ACIN1: variants seen among roughly 807,000 people sequenced by gnomAD.
ACIN1 encodes the protein apoptotic chromatin condensation inducer in the nucleus.
In ACIN1, 16 loss-of-function variants were observed where a neutral mutation model predicts 146.6. The ratio of observed to expected loss-of-function variants is 0.11; its 90% CI spans 0.07 to 0.17. ACIN1 has a LOEUF of 0.17. ACIN1 is among the 10% of genes least tolerant of loss of function. ACIN1 has a pLI of 1.00. For missense variants in ACIN1, 1,357 were observed against 1,609.3 expected (o/e 0.84, Z 2.68); for synonymous variants, 569 against 582.7 (o/e 0.98, Z 0.34).
rs1188628267 is a variant in ACIN1, at chr14:23,081,854, A to C, written c.437-18T>G. 1 of 1,590,570 alleles carries C rather than the reference A, an allele frequency of 6.3e-7. No homozygotes were observed. The highest frequency in any genetic ancestry group is 2.2e-5 in the East Asian group (1 of 44,796). On this transcript the variant is annotated intron_variant, in intron 4 of 18. Transcript: ENST00000605057. ...GCTTTTTCCTATTGAATGAAAAAGA[A>C]TCAAGTCAGATTCATGAAGTGAAGA...
chr14:23,088,153 A>G (rs1348395871), intron 4 of ACIN1, among the ~76,000 whole-genome samples: 5 of 152,322 alleles, frequency 3.3e-5, no homozygotes, highest in Admixed American at 6.5e-5. Flanking sequence ...GGAATTCAAT[A>G]AATTTTTTTT....
At chr14:23,090,495 T>C (rs775930038) in intron 3 of ACIN1, 27 bp downstream of exon 3, 1 of 1,600,374 alleles carries the variant, frequency 6.2e-7, no homozygotes, top group South Asian at 1.1e-5. Context: ...GACGAACTCC[T>C]TGTTAAAAGT....
At position 23,080,818 on chromosome 14, in the gene ACIN1, A is replaced by C; in HGVS notation, c.526-9T>G. 1 of 1,585,002 alleles carries C rather than the reference A, an allele frequency of 6.3e-7. No homozygotes were observed. The highest frequency in any genetic ancestry group is 1.8e-5 in the Admixed American group (1 of 56,830). ...AGTTTAGCTGCTCTTGCCTGAAAGA[A>C]CAGATACACAATGGCTCCAAATGTA... On this transcript the variant is annotated splice_polypyrimidine_tract_variant and intron_variant, in intron 5 of 18. Transcript: ENST00000605057.
upstream of ACIN1, chr14:23,095,338 T>A (rs768416152): frequency 6.5e-7 from 1 of 1,545,364 alleles, no homozygotes; most frequent in Non-Finnish European, 8.8e-7. Flanking sequence ...TTTCTCGCCC[T>A]GCTTTCAGGC....
intron 4 of ACIN1, among the ~76,000 whole-genome samples, chr14:23,083,766 A>G (rs903464497): frequency 2.6e-5 from 4 of 152,176 alleles, no homozygotes; most frequent in Non-Finnish European, 5.9e-5. Context: ...CAGTAGCAAT[A>G]CTAACATCAA....
intron 8 of ACIN1, chr14:23,071,398 C>A: frequency 6.4e-7 from 1 of 1,551,010 alleles, no homozygotes; most frequent in Non-Finnish European, 8.7e-7. Context: ...ACAGATCTGG[C>A]TTTTAAGAGA....
chr14:23,059,144 C>A lies in ACIN1; in HGVS notation c.*4G>T, dbSNP rs200085770. The stretch of plus-strand genomic sequence containing the variant: ...TGGTACCTGCAGCTCTAGTGTTTTC[C>A]CAGCTAGCGGCGCCCACCCCGGTCC... On this transcript the variant is annotated 3_prime_UTR_variant, in exon 19 of 19. Coordinates refer to ENST00000605057, the MANE Select transcript of ACIN1 (RefSeq NM_001386863.1). The A allele has an allele frequency of 1.1e-3, 1,695 of 1,612,580 alleles. 3 individuals carry two copies. Among genetic ancestry groups the A allele is most frequent in the Non-Finnish European group, 1.2e-3 (1,382 of 1,179,186 alleles).
At chr14:23,094,888 G>A (rs1205329166) in intron 1 of ACIN1, 87 bp downstream of exon 1, 9 of 1,492,004 alleles carry the variant, frequency 6.0e-6, no homozygotes, top group South Asian at 1.3e-5. Context: ...CTCGCGCCGA[G>A]CCCGGATACT....
intron 12 of ACIN1, 78 bp from the exon 13 acceptor site, chr14:23,063,655 T>A: frequency 1.9e-6 from 3 of 1,551,178 alleles, no homozygotes; most frequent in Non-Finnish European, 2.7e-6. Flanking sequence ...GGTTCCCCGG[T>A]AAGAGTAGCA....
intron 18 of ACIN1, among the ~76,000 whole-genome samples, 179 bp from the exon 19 acceptor site, chr14:23,059,653 C>CTTT (rs376703295): frequency 7.2e-6 from 1 of 138,636 alleles, no homozygotes; most frequent in Admixed American, 7.1e-5. Flanking sequence ...TAGTTTCAGC[C>CTTT]TTTTTTTTTT....
intron 1 of ACIN1, 156 bp downstream of exon 1, chr14:23,094,819 G>C (rs940928902): frequency 1.7e-6 from 2 of 1,150,142 alleles, no homozygotes; most frequent in Non-Finnish European, 2.4e-6. Context: ...ATTCCAGCGC[G>C]AACCTCATCA....
In ACIN1 at chr14:23,059,066, G is replaced by A. The variant is rs2047182619; in HGVS notation, c.*82C>T. ...TGTGAAAGACCCTTGGCTCCAGGGT[G>A]GTGGAGACTGTGCCTATCCCTCTGT... is the stretch of plus-strand genomic sequence containing the variant. On this transcript the variant is annotated 3_prime_UTR_variant, in exon 19 of 19. Transcript: ENST00000605057. 3.0e-6 allele frequency: 4 copies of A among 1,342,324 alleles called. No individual in the cohort carries two copies. The highest frequency in any genetic ancestry group is 3.6e-5 in the Admixed American group (2 of 55,286). 83.2% of individuals were successfully genotyped at this position (1,342,324 alleles called of 1,614,324 possible). A position where few individuals can be genotyped will look rare whatever the true frequency, so the allele number is the denominator to read the frequency against.
At chr14:23,071,396 G>C (rs1273582873) in intron 8 of ACIN1, 1 of 1,551,016 alleles carries the variant, frequency 6.4e-7, no homozygotes, top group East Asian at 2.4e-5. Flanking sequence ...AAACAGATCT[G>C]GCTTTTAAGA....
chr14:23,070,044 C>T (rs757458937), intron 8 of ACIN1, among the ~76,000 whole-genome samples: 11 of 152,024 alleles, frequency 7.2e-5, no homozygotes, highest in African/African-American at 1.4e-4. Flanking sequence ...CAAAATTGCA[C>T]GAGAAACGAA....
chr14:23,059,364 T>TTCCCGCTCGGCTTCCTTC lies in ACIN1; in HGVS notation c.3618_3635dup (p.Lys1207_Glu1212dup). 2 of 1,613,108 alleles carry TTCCCGCTCGGCTTCCTTC rather than the reference T, an allele frequency of 1.2e-6. No individual in the cohort carries two copies. Among genetic ancestry groups the TTCCCGCTCGGCTTCCTTC allele is most frequent in the South Asian group, 1.1e-5 (1 of 91,066 alleles). ...TCTCTCGCTCCAGCTGTCGGTTCCGTTCCCGCTCGGCTTCCTTCTCCCGCT... is the reference window on the plus strand; with the variant it reads ...TCTCTCGCTCCAGCTGTCGGTTCCGTTCCCGCTCGGCTTCCTTCTCCCGCTCGGCTTCCTTCTCCCGCT... On this transcript the variant is annotated inframe_insertion, in exon 19 of 19. Coordinates refer to ENST00000605057, the MANE Select transcript of ACIN1 (RefSeq NM_001386863.1).
rs1047814478 is a variant in ACIN1, at chr14:23,093,507, G to T, written c.176C>A (p.Pro59His). ...GGAATTTGGCTGGAATGCAGCATGG[G>T]GTGTTGAGTGTTTCTGTAAATTTTC... ...MLENLQKHST[P>H]HAAFQPNSQI... The change falls in exon 2 of 19, where the codon CCC (proline) becomes CAC (histidine). Residue 59 changes from proline to histidine, a missense_variant. Pro to His is a moderately conservative substitution (Grantham distance 77). Coordinates refer to ENST00000605057, the MANE Select transcript of ACIN1 (RefSeq NM_001386863.1). The T allele has an allele frequency of 3.7e-6, 6 of 1,614,034 alleles. No individual in the cohort carries two copies. Among genetic ancestry groups the T allele is most frequent in the Non-Finnish European group, 5.1e-6 (6 of 1,179,970 alleles).
At position 23,078,804 on chromosome 14, in the gene ACIN1, G is replaced by A. The variant is rs767146272; in HGVS notation, c.2007+16C>T. The A allele has an allele frequency of 1.9e-6, 3 of 1,609,860 alleles. No homozygotes were observed. The highest frequency in any genetic ancestry group is 2.2e-4 in the Middle Eastern group (1 of 4,542). On this transcript the variant is annotated intron_variant, in intron 7 of 18. Transcript: ENST00000605057. ...AATCCTCCATCTCTGTGTAGGGAGG[G>A]GTCACAATAGCCTACCCGCTCAGGC...
At chr14:23,063,320 A>T (rs1252533305) in intron 13 of ACIN1, 116 bp downstream of exon 13, 5 of 1,351,986 alleles carry the variant, frequency 3.7e-6, no homozygotes, top group Non-Finnish European at 5.0e-6. Context: ...GAAAGATATG[A>T]TATACGAAAA....
intron 1 of ACIN1, 37 bp from the exon 2 acceptor site, chr14:23,093,581 GA>G: frequency 3.2e-6 from 5 of 1,558,012 alleles, no homozygotes; most frequent in African/African-American, 1.4e-5. Flanking sequence ...AAATGATGAG[GA>G]AAAAAAAGAA....
Sources: allele counts gnomAD v4.1 joint callset (sites outside exome capture counted in the v4.1 genomes callset), GRCh38; gene constraint gnomAD v4.1.1; transcripts MANE v1.5; gene names NCBI Gene and HGNC (gene_info 2026-07-23, HGNC 2026-07-21).